Variants in TPM3 observed in about 807,000 individuals in gnomAD.
The protein encoded by TPM3 is tropomyosin alpha-3 chain.
A neutral mutation model predicts 43.1 loss-of-function variants in TPM3; 16 were observed. The ratio of observed to expected loss-of-function variants is 0.37; its 90% CI spans 0.25 to 0.56. The LOEUF (loss-of-function observed/expected upper bound fraction) is 0.56. Ranked by LOEUF, TPM3 falls within the 20% of genes least tolerant of loss-of-function variation. TPM3 has a pLI of 0.77. For synonymous variants in TPM3, 101 were observed against 116.9 expected (o/e 0.86, Z 0.88); for missense variants, 176 against 337.2 (o/e 0.52, Z 3.74).
chr1:154,184,882 C>T (rs937963514), intron 2 of TPM3, among the ~76,000 whole-genome samples: 2 of 151,886 alleles, frequency 1.3e-5, no homozygotes, highest in African/African-American at 4.8e-5. Flanking sequence ...TCACTGCCTC[C>T]AGTCTGGGTG....
chr1:154,168,055 A>G (rs1336518996), intron 9 of TPM3, 115 bp from the exon 10 acceptor site: 2 of 1,447,072 alleles, frequency 1.4e-6, no homozygotes, highest in African/African-American at 1.4e-5. Context: ...ATAATAAAAG[A>G]GAGCCAGACA....
chr1:154,171,495 ATATTT>A lies in TPM3; in HGVS notation c.567-12_567-8del. 6.2e-7 allele frequency: 1 copy of A among 1,613,908 alleles called. No homozygotes were observed. Among genetic ancestry groups the A allele is most frequent in the Non-Finnish European group, 8.5e-7 (1 of 1,179,746 alleles). ...CTCCAGCTCAGAACACTTACTGTGA[ATATTT>A]TAAATACCACAGGAGAGGAAAAGGG... On this transcript the variant is annotated splice_polypyrimidine_tract_variant and splice_region_variant and intron_variant, in intron 5 of 9. Coordinates refer to ENST00000651641, the MANE Select transcript of TPM3 (RefSeq NM_152263.4).
At chr1:154,175,784 A>G (rs1388075492) in intron 3 of TPM3, among the ~76,000 whole-genome samples, 1 of 152,234 alleles carries the variant, frequency 6.6e-6, no homozygotes, top group African/African-American at 2.4e-5. Context: ...ACAACATCTA[A>G]GTTACCCTTA....
intron 2 of TPM3, among the ~76,000 whole-genome samples, chr1:154,176,490 T>C (rs1662327321): frequency 6.6e-6 from 1 of 152,002 alleles, no homozygotes; most frequent in African/African-American, 2.4e-5. Flanking sequence ...CTCAGTTCCT[T>C]GCCCAGCCCA....
intron 2 of TPM3, among the ~76,000 whole-genome samples, chr1:154,190,860 G>C (rs1233135132): frequency 6.6e-6 from 1 of 152,166 alleles, no homozygotes; most frequent in African/African-American, 2.4e-5. Flanking sequence ...GGAGGAGGTA[G>C]GATAAGTGAC....
At chr1:154,171,305 G>A (rs1558043158) in intron 6 of TPM3, 108 bp downstream of exon 6, 6 of 1,154,838 alleles carry the variant, frequency 5.2e-6, no homozygotes, top group African/African-American at 1.5e-5. Flanking sequence ...GGTAGGAAGA[G>A]GACACGCCTC....
downstream of TPM3, chr1:154,157,804 C>G: frequency 2.6e-6 from 2 of 775,392 alleles, no homozygotes; most frequent in East Asian, 2.4e-5. Context: ...GCTCCTGTTG[C>G]AGAGAAGCTG....
At position 154,174,368 on chromosome 1, in the gene TPM3, G is replaced by GTGTATATA. The variant is rs1389219269; in HGVS notation, c.378-1168_378-1167insTATATACA. On this transcript the variant is annotated intron_variant, in intron 3 of 9. Transcript: ENST00000651641. ...AAATAAATATTATTTAAATATATGT[G>GTGTATATA]TATATATATATATATATATATATAT... 6.3e-3 allele frequency among the ~76,000 whole-genome samples: 292 copies of GTGTATATA among 46,322 alleles called. 12 individuals carry two copies. Among genetic ancestry groups the GTGTATATA allele is most frequent in the Middle Eastern group, 0.021 (1 of 48 alleles). The allele number at this position is 46,322 out of a possible 152,430, so 30.4% of individuals were successfully genotyped here. A position where few individuals can be genotyped will look rare whatever the true frequency, so the allele number is the denominator to read the frequency against.
chr1:154,167,362 AAAGGG>A lies in TPM3; in HGVS notation c.*570_*574del, dbSNP rs1334369670. 1 of 1,058,600 alleles carries A rather than the reference AAAGGG, an allele frequency of 9.4e-7. No individual in the cohort carries two copies. Among genetic ancestry groups the A allele is most frequent in the East Asian group, 5.3e-5 (1 of 19,038 alleles). 65.6% of individuals were successfully genotyped at this position (1,058,600 alleles called of 1,614,324 possible). ...GGATGCACCATTTGAACCACCGGTAAAAGGGTACAGAATGTGTATTGAGAGTCACT... is the reference window on the plus strand; with the variant it reads ...GGATGCACCATTTGAACCACCGGTAATACAGAATGTGTATTGAGAGTCACT... On this transcript the variant is annotated 3_prime_UTR_variant, in exon 10 of 10. Coordinates refer to ENST00000651641, the MANE Select transcript of TPM3 (RefSeq NM_152263.4).
Position 154,162,364 on chromosome 1 carries a change from CAAAAAAAAA to C in TPM3, c.*5564_*5572del, listed in dbSNP as rs58289686. On this transcript the variant is annotated 3_prime_UTR_variant, in exon 10 of 10. Transcript: ENST00000651641. ...TGGGCAACAGAGCAAGACTCCGTCT[CAAAAAAAAA>C]AAAAAAAAAAAACACAAACCAACCC... Among the ~76,000 whole-genome samples, 1 of 75,104 alleles carries C rather than the reference CAAAAAAAAA, an allele frequency of 1.3e-5. No homozygotes were observed. The highest frequency in any genetic ancestry group is 2.7e-5 in the Non-Finnish European group (1 of 37,570). The allele number at this position is 75,104 out of a possible 152,430, so 49.3% of individuals were successfully genotyped here. A position where few individuals can be genotyped will look rare whatever the true frequency, so the allele number is the denominator to read the frequency against.
rs1470769882 is a variant in TPM3, at chr1:154,170,537, A to G, written c.706-68T>C. 3.1e-6 allele frequency: 5 copies of G among 1,600,836 alleles called. No individual in the cohort carries two copies. The African/African-American group carries it at 4.0e-5, about 13-fold the overall frequency. On this transcript the variant is annotated intron_variant, in intron 7 of 9. Transcript: ENST00000651641. ...AAGAAGAACAATCTCTATTTCTTCC[A>G]CCTTCTACTTCTGGACCTTTCAGAA...
intron 2 of TPM3, among the ~76,000 whole-genome samples, chr1:154,190,399 C>T (rs1412562612): frequency 6.6e-6 from 1 of 152,124 alleles, no homozygotes. Flanking sequence ...TCTCATTTAT[C>T]TTTGCAGCAA....
rs1174094294 is a variant in TPM3 at position 154,166,781 on chromosome 1, A to G, written c.*1156T>C. The G allele has an allele frequency of 1.3e-6, 1 of 770,018 alleles. No individual in the cohort carries two copies. Among genetic ancestry groups the G allele is most frequent in the Non-Finnish European group, 1.6e-6 (1 of 633,968 alleles). The allele number at this position is 770,018 out of a possible 1,614,324, so 47.7% of individuals were successfully genotyped here. A position where few individuals can be genotyped will look rare whatever the true frequency, so the allele number is the denominator to read the frequency against. On this transcript the variant is annotated 3_prime_UTR_variant, in exon 10 of 10. Coordinates refer to ENST00000651641, the MANE Select transcript of TPM3 (RefSeq NM_152263.4). The stretch of plus-strand genomic sequence containing the variant: ...ACTGCAACCTCCGCCTCCCAGGTGC[A>G]AGCGATTCTCCTGCCTCAGCCTCCC...
chr1:154,172,381 A>G (rs1322782152), intron 5 of TPM3: 1 of 635,940 alleles, frequency 1.6e-6, no homozygotes, highest in Admixed American at 2.1e-5. Context: ...AAGGTTCCCT[A>G]GCAGATTGGC....
intron 5 of TPM3, chr1:154,172,638 A>C: frequency 2.0e-6 from 1 of 506,416 alleles, no homozygotes; most frequent in Non-Finnish European, 3.6e-6. Context: ...CTTCCAATTA[A>C]CTGTTCACCA....
At chr1:154,181,560 T>C (rs1414826363) in intron 2 of TPM3, among the ~76,000 whole-genome samples, 1 of 152,164 alleles carries the variant, frequency 6.6e-6, no homozygotes, top group East Asian at 1.9e-4. Flanking sequence ...ACCCTAGACC[T>C]TGGAAAATCT....
intron 5 of TPM3, chr1:154,172,166 A>G: frequency 6.5e-7 from 1 of 1,541,894 alleles, no homozygotes; most frequent in Non-Finnish European, 9.0e-7. Context: ...AAGGTCAAAA[A>G]GGAACACAGC....
At chr1:154,183,214 G>T in intron 2 of TPM3, 2 of 1,566,918 alleles carry the variant, frequency 1.3e-6, no homozygotes, top group South Asian at 2.3e-5. Context: ...GCTACGCCCT[G>T]AAATACCGGA....
chr1:154,179,723 A>G (rs1662735706), intron 2 of TPM3, among the ~76,000 whole-genome samples: 1 of 152,132 alleles, frequency 6.6e-6, no homozygotes, highest in South Asian at 2.1e-4. Context: ...AGCTGGGATT[A>G]CAGGCATGCG....
Sources: gnomAD v4.1 joint callset for allele counts (sites outside exome capture counted in the v4.1 genomes callset) on GRCh38, gnomAD v4.1.1 for gene constraint, MANE v1.5 for transcripts, NCBI Gene and HGNC (gene_info 2026-07-23, HGNC 2026-07-21) for gene names.